The following FZR1 variants were observed in gnomAD, a reference collection of about 807,000 sequenced individuals.
FZR1 encodes fizzy and cell division cycle 20 related 1.
FZR1 carries 11 observed loss-of-function variants against 63.6 expected under a neutral mutation model. That is an observed-to-expected ratio of 0.17 (90% confidence interval 0.11 to 0.29). The LOEUF (loss-of-function observed/expected upper bound fraction) is 0.29, where lower values mean the gene tolerates loss of function less well. Ranked by LOEUF, FZR1 falls within the 10% of genes least tolerant of loss-of-function variation. The pLI, the probability that FZR1 is intolerant of heterozygous loss-of-function variation, is 1.00. For synonymous variants in FZR1, 328 were observed against 297.9 expected, an observed-to-expected ratio of 1.10 and a Z score of -1.04; for missense variants, 440 against 687.5, an observed-to-expected ratio of 0.64 and a Z score of 4.03.
In FZR1 at chr19:3,525,802, C is replaced by G. The variant is rs2083150660; in HGVS notation, c.70-66C>G. 1 of 1,569,002 alleles carries G rather than the reference C, an allele frequency of 6.4e-7. No homozygotes were observed. Among genetic ancestry groups the G allele is most frequent in the Non-Finnish European group, 8.6e-7 (1 of 1,158,412 alleles). On this transcript the variant is annotated intron_variant, in intron 2 of 13. Coordinates refer to ENST00000441788, the MANE Select transcript of FZR1 (RefSeq NM_016263.4). The surrounding 1 kb of genome is among the most constrained non-coding windows in gnomAD (Gnocchi z 4.2). ...CTCAGTGGCCAGAGGCTGAGAGAGG[C>G]TGGCCTGGGGGCACTCTCGGGGGGC... is the stretch of plus-strand genomic sequence containing the variant.
At chr19:3,529,224 G>A (rs189176431) in intron 7 of FZR1, among the ~76,000 whole-genome samples, 107 of 144,232 alleles carry the variant, frequency 7.4e-4, no homozygotes, top group Non-Finnish European at 1.4e-3. Context: ...ATGGTTGAGC[G>A]GATGGGAGAG....
intron 11 of FZR1, among the ~76,000 whole-genome samples, chr19:3,532,955 C>T (rs1051406383): frequency 1.3e-5 from 2 of 151,950 alleles, no homozygotes; most frequent in African/African-American, 4.8e-5. Context: ...CAGGATGAAG[C>T]GGGCTCCACT....
intron 10 of FZR1, 120 bp downstream of exon 10, chr19:3,532,215 G>A: frequency 9.8e-7 from 1 of 1,021,678 alleles, no homozygotes. Context: ...ACAGCCATCA[G>A]CAGGGCACCA....
intron 1 of FZR1, among the ~76,000 whole-genome samples, chr19:3,521,683 G>T (rs2083102915): frequency 6.6e-6 from 1 of 152,044 alleles, no homozygotes. Context: ...TGTATTTTTA[G>T]TAGAGACGGG....
In FZR1 at chr19:3,531,803, C is replaced by T; in HGVS notation, c.810C>T (p.His270=). The part of the protein sequence containing the change: ...AGKKLSMLEG[H]TARVGALAWN... ...AGAAGCTGTCCATGTTGGAGGGCCA[C>T]ACGGCACGCGTCGGTGAGGAGCCCG... The change falls in exon 9 of 14, where the codon CAC becomes CAT. Residue 270 remains histidine, a synonymous_variant. Coordinates refer to ENST00000441788, the MANE Select transcript of FZR1 (RefSeq NM_016263.4). 3.9e-6 allele frequency: 6 copies of T among 1,550,316 alleles called. No individual in the cohort carries two copies. The highest frequency in any genetic ancestry group is 4.4e-6 in the Non-Finnish European group (5 of 1,146,776).
chr19:3,510,795 G>A (rs982929759), intron 1 of FZR1, among the ~76,000 whole-genome samples: 5 of 152,196 alleles, frequency 3.3e-5, no homozygotes, highest in Admixed American at 1.3e-4. Context: ...GCAACACCTC[G>A]GGACATCTGT....
Position 3,526,375 on chromosome 19 carries a change from G to A in FZR1, c.376G>A (p.Gly126Ser). The A allele has an allele frequency of 1.3e-6, 2 of 1,592,712 alleles. No individual in the cohort carries two copies. Among genetic ancestry groups the A allele is most frequent in the Non-Finnish European group, 1.7e-6 (2 of 1,171,160 alleles). The change falls in exon 5 of 14, where the codon GGT becomes AGT. Residue 126 changes from glycine to serine, a missense_variant. Coordinates refer to ENST00000441788, the MANE Select transcript of FZR1 (RefSeq NM_016263.4). The surrounding 1 kb of genome is among the most constrained non-coding windows in gnomAD (Gnocchi z 5.4). ...RLQPSTPEKK[G>S]LFTYSLSTKR... ...GCAGCCCTCCACGCCTGAGAAGAAG[G>A]GTCTGTTCACGGTAAGCCTGCGGCA... is the stretch of plus-strand genomic sequence containing the variant.
chr19:3,532,822 G>T (rs1325275897), intron 11 of FZR1, among the ~76,000 whole-genome samples, 172 bp downstream of exon 11: 1 of 152,158 alleles, frequency 6.6e-6, no homozygotes, highest in Non-Finnish European at 1.5e-5. Flanking sequence ...AAGGCCCCTG[G>T]GCCTCATCAG....
At chr19:3,524,915 A>G (rs2083137831) in intron 2 of FZR1, among the ~76,000 whole-genome samples, 1 of 152,170 alleles carries the variant, frequency 6.6e-6, no homozygotes, top group Admixed American at 6.6e-5. Context: ...CACATCTGCA[A>G]GAAACTCGTG....
At chr19:3,520,125 A>G (rs939307535) in intron 1 of FZR1, among the ~76,000 whole-genome samples, 4 of 152,240 alleles carry the variant, frequency 2.6e-5, no homozygotes, top group Admixed American at 6.5e-5. Flanking sequence ...CACTGGGGAC[A>G]GATGCTTAGG....
Position 3,530,798 on chromosome 19 carries a change from C to T in FZR1, c.661C>T (p.Arg221Trp), listed in dbSNP as rs1317988128. The T allele has an allele frequency of 1.2e-6, 2 of 1,612,496 alleles. No individual in the cohort carries two copies. The highest frequency in any genetic ancestry group is 1.7e-6 in the Non-Finnish European group (2 of 1,179,406). ...CACTGACCTCTGCCTCCAGGTGACG[C>T]GGCTCTGTGACCTCTCAGTGGAAGG... Reference protein sequence around the residue: ...LWSACTSQVTRLCDLSVEGDS... With the variant: ...LWSACTSQVTWLCDLSVEGDS... Residue 221 changes from arginine to tryptophan, a missense_variant, in exon 8 of 14, where the codon CGG becomes TGG. By Grantham distance (101) the Arg-to-Trp change is moderately radical. Around this residue, in one of 5 missense-constraint regions of FZR1, gnomAD observed 208 missense variants for 363.6 expected, o/e 0.57. Coordinates refer to ENST00000441788, the MANE Select transcript of FZR1 (RefSeq NM_016263.4).
chr19:3,537,338 G>A lies in FZR1; in HGVS notation c.*2502G>A, dbSNP rs1168231361. 1 of 152,294 alleles carries A rather than the reference G, an allele frequency of 6.6e-6. No homozygotes were observed. Among genetic ancestry groups the A allele is most frequent in the Non-Finnish European group, 1.5e-5 (1 of 68,102 alleles). The allele number at this position is 152,294 out of a possible 1,614,324, so 9.4% of individuals were successfully genotyped here. ...CCCGACAGGCAGACGAAGGCCAGTGGGGCCATCGCTTCCTGGGGCGACCCT... is the reference window on the plus strand; with the variant it reads ...CCCGACAGGCAGACGAAGGCCAGTGAGGCCATCGCTTCCTGGGGCGACCCT... On this transcript the variant is annotated 3_prime_UTR_variant, in exon 14 of 14. Coordinates refer to ENST00000441788, the MANE Select transcript of FZR1 (RefSeq NM_016263.4).
chr19:3,535,189 AGCCGCATGC>A lies in FZR1; in HGVS notation c.*354_*362del. ...CGTCTGTTCATCACCTGCCCACCGG[AGCCGCATGC>A]TCTTCCTGGAACTGCCCACGTCTGC... On this transcript the variant is annotated 3_prime_UTR_variant, in exon 14 of 14. Coordinates refer to ENST00000441788, the MANE Select transcript of FZR1 (RefSeq NM_016263.4). 2 of 354,582 alleles carry A rather than the reference AGCCGCATGC, an allele frequency of 5.6e-6. No homozygotes were observed. The highest frequency in any genetic ancestry group is 7.1e-5 in the East Asian group (1 of 14,116). 22.0% of individuals were successfully genotyped at this position (354,582 alleles called of 1,614,324 possible).
chr19:3,530,353 AGGGAGAGCGGAT>A lies in FZR1; in HGVS notation c.655-423_655-412del, dbSNP rs1186681159. Among the ~76,000 whole-genome samples the A allele has an allele frequency of 3.7e-3, 152 of 41,546 alleles. 7 individuals carry two copies. The highest frequency in any genetic ancestry group is 0.011 in the East Asian group (20 of 1,758). 27.3% of individuals were successfully genotyped at this position (41,546 alleles called of 152,430 possible). ...TTGAGGGAGTGGATGGTTGAGCAGA[AGGGAGAGCGGAT>A]GGGAGAGCGGATGGGTGAGCAGATG... On this transcript the variant is annotated intron_variant, in intron 7 of 13. Coordinates refer to ENST00000441788, the MANE Select transcript of FZR1 (RefSeq NM_016263.4).
intron 7 of FZR1, among the ~76,000 whole-genome samples, chr19:3,529,777 CGAGAGTGGATGA>C (rs2083216418): frequency 3.1e-5 from 1 of 31,868 alleles, no homozygotes; most frequent in African/African-American, 1.4e-4. Context: ...TGAGCGGATG[CGAGAGTGGATGA>C]GAGTGGTTGA....
intron 7 of FZR1, among the ~76,000 whole-genome samples, chr19:3,528,482 C>T (rs1382261851): frequency 6.6e-6 from 1 of 152,206 alleles, no homozygotes; most frequent in South Asian, 2.1e-4. Flanking sequence ...GGGCAGCTTC[C>T]TCCCATCCTC....
chr19:3,531,150 T>C (rs909038070), intron 8 of FZR1, among the ~76,000 whole-genome samples: 3 of 152,120 alleles, frequency 2.0e-5, no homozygotes, highest in African/African-American at 7.2e-5. Context: ...GGAGTTCCAT[T>C]TTCCACTCAG....
In FZR1 at chr19:3,533,561, G is replaced by C; in HGVS notation, c.1347+163G>C. 1 of 599,692 alleles carries C rather than the reference G, an allele frequency of 1.7e-6. No homozygotes were observed. The highest frequency in any genetic ancestry group is 3.0e-6 in the Non-Finnish European group (1 of 332,292). The allele number at this position is 599,692 out of a possible 1,614,324, so 37.1% of individuals were successfully genotyped here. On this transcript the variant is annotated intron_variant, in intron 12 of 13. Transcript: ENST00000441788. The surrounding 1 kb of genome is among the most constrained non-coding windows in gnomAD (Gnocchi z 4.9). ...CGGCAGGGCATCTGGTGCTGGTTGT[G>C]TTGCCAGCGTTGGAATGGGCTCTAC...
intron 7 of FZR1, among the ~76,000 whole-genome samples, chr19:3,528,646 G>GGAGAATGGATGA (rs2083188148): frequency 6.6e-6 from 1 of 151,780 alleles, no homozygotes; most frequent in South Asian, 2.1e-4. Flanking sequence ...AGAGTGGATG[G>GGAGAATGGATGA]GAGAGTGGAT....
Sources: gnomAD v4.1 joint callset for allele counts (sites outside exome capture counted in the v4.1 genomes callset) on GRCh38, gnomAD v4.1.1 for gene constraint, gnomAD v4.1.1 regional missense constraint, Gnocchi (gnomAD v3.1) non-coding constraint, MANE v1.5 for transcripts, NCBI Gene and HGNC (gene_info 2026-07-23, HGNC 2026-07-21) for gene names.